Variants in IL1RAP observed in about 807,000 individuals in gnomAD.
IL1RAP encodes the protein interleukin 1 receptor accessory protein.
A neutral mutation model predicts 60.7 loss-of-function variants in IL1RAP; 35 were observed. The observed-to-expected ratio is 0.58, with a 90% CI of 0.44 to 0.76. The LOEUF (loss-of-function observed/expected upper bound fraction) is 0.76. Among genes scored for constraint, IL1RAP ranks in the 30% least tolerant of loss-of-function variants. The probability of loss-of-function intolerance (pLI) is 0.00; values close to 1 mark genes in which losing one functional copy is unlikely to be tolerated. For synonymous variants in IL1RAP, 268 were observed against 250.9 expected (o/e 1.07, Z -0.64); for missense variants, 572 against 693.9 (o/e 0.82, Z 1.97).
intron 1 of IL1RAP, among the ~76,000 whole-genome samples, chr3:190,554,155 G>C (rs114160529): frequency 0.01 from 1,589 of 151,800 alleles, 36 homozygotes; most frequent in African/African-American, 0.037. Flanking sequence ...CCATGTTCTG[G>C]GCACCAAAGA....
chr3:190,599,713 T>TG (rs933944501), intron 3 of IL1RAP, among the ~76,000 whole-genome samples: 2 of 151,144 alleles, frequency 1.3e-5, no homozygotes, highest in African/African-American at 4.8e-5. Context: ...TTTTTTTTTT[T>TG]TTTGAAAGGT....
chr3:190,518,540 G>C (rs931876945), intron 1 of IL1RAP: 1 of 152,082 alleles, frequency 6.6e-6, no homozygotes, highest in African/African-American at 2.4e-5. Context: ...ACGTAGCATG[G>C]CCTATGTATT....
At chr3:190,555,413 A>T (rs931041502) in intron 1 of IL1RAP, among the ~76,000 whole-genome samples, 8 of 152,176 alleles carry the variant, frequency 5.3e-5, no homozygotes, top group African/African-American at 1.9e-4. Context: ...GAAGAGAAAC[A>T]TATAATCTCA....
chr3:190,632,555 G>A (rs1732877787), intron 9 of IL1RAP, among the ~76,000 whole-genome samples: 1 of 152,176 alleles, frequency 6.6e-6, no homozygotes, highest in African/African-American at 2.4e-5. Flanking sequence ...CACCCAGTTT[G>A]TGAATTCATT....
intron 1 of IL1RAP, among the ~76,000 whole-genome samples, chr3:190,526,151 A>G (rs1722491154): frequency 6.6e-6 from 1 of 152,228 alleles, no homozygotes; most frequent in Admixed American, 6.5e-5. Flanking sequence ...TGAGTTTAAA[A>G]TAGCTTGATA....
chr3:190,554,443 C>T (rs149640696), intron 1 of IL1RAP, among the ~76,000 whole-genome samples: 2 of 152,058 alleles, frequency 1.3e-5, no homozygotes, highest in African/African-American at 2.4e-5. Context: ...GCAGACCAGC[C>T]GGAGGTTCTC....
intron 1 of IL1RAP, among the ~76,000 whole-genome samples, chr3:190,540,095 A>C (rs1723798764): frequency 6.6e-6 from 1 of 152,150 alleles, no homozygotes; most frequent in South Asian, 2.1e-4. Context: ...TTACCACATA[A>C]AGAGAAAACA....
In IL1RAP at chr3:190,582,211, A is replaced by G. The variant is rs534365089; in HGVS notation, c.64+17858A>G. Among the ~76,000 whole-genome samples the G allele has an allele frequency of 1.9e-3, 283 of 152,096 alleles. 1 individual carries two copies. Among genetic ancestry groups the G allele is most frequent in the African/African-American group, 6.7e-3 (276 of 41,494 alleles). ...TCCTTTCTATTTCTTTACATTTTTG[A>G]TCAATCCATCTTTGCTCATTTTCCA... On this transcript the variant is annotated intron_variant, in intron 3 of 11. Transcript: ENST00000447382.
At chr3:190,577,532 T>C (rs1727601215) in intron 3 of IL1RAP, among the ~76,000 whole-genome samples, 2 of 152,188 alleles carry the variant, frequency 1.3e-5, no homozygotes, top group South Asian at 2.1e-4. Context: ...GTGGAAAACC[T>C]TTCTGGCAGA....
At chr3:190,595,065 T>C (rs1472674461) in intron 3 of IL1RAP, among the ~76,000 whole-genome samples, 2 of 152,134 alleles carry the variant, frequency 1.3e-5, no homozygotes, top group Non-Finnish European at 2.9e-5. Flanking sequence ...TATATTGTTC[T>C]TTGTTCCCTT....
intron 3 of IL1RAP, among the ~76,000 whole-genome samples, chr3:190,596,054 TCCAA>T (rs1480093649): frequency 1.3e-5 from 2 of 152,212 alleles, no homozygotes; most frequent in Admixed American, 6.5e-5. Context: ...AAGCATTTTG[TCCAA>T]GGCCATATGG....
intron 3 of IL1RAP, among the ~76,000 whole-genome samples, chr3:190,577,976 C>T (rs938452368): frequency 5.9e-5 from 9 of 152,252 alleles, no homozygotes; most frequent in African/African-American, 1.2e-4. Flanking sequence ...CCAACTGCAT[C>T]GGTGTTTCTG....
chr3:190,558,220 G>A (rs1453449506), intron 2 of IL1RAP, among the ~76,000 whole-genome samples: 1 of 151,950 alleles, frequency 6.6e-6, no homozygotes, highest in Non-Finnish European at 1.5e-5. Context: ...CCAGCTTTAG[G>A]CAATTAATAA....
chr3:190,543,532 G>A (rs1724120137), intron 1 of IL1RAP, among the ~76,000 whole-genome samples: 2 of 152,132 alleles, frequency 1.3e-5, no homozygotes, highest in African/African-American at 4.8e-5. Context: ...TAACGTTTTA[G>A]GAAGAAGGTA....
chr3:190,614,992 C>T (rs1392341002), intron 5 of IL1RAP, among the ~76,000 whole-genome samples: 2 of 151,942 alleles, frequency 1.3e-5, no homozygotes, highest in African/African-American at 4.8e-5. Flanking sequence ...CAAATGTTTA[C>T]ATTTCAGAAT....
exon 12 of IL1RAP, chr3:190,656,660 A>G: frequency 2.9e-6 from 3 of 1,048,650 alleles, no homozygotes; most frequent in Non-Finnish European, 4.0e-6. Flanking sequence ...TCTGTATGTC[A>G]TGAACCTGTG....
At chr3:190,604,927 T>G (rs1402288181) in intron 4 of IL1RAP, among the ~76,000 whole-genome samples, 2 of 152,074 alleles carry the variant, frequency 1.3e-5, no homozygotes, top group Non-Finnish European at 2.9e-5. Context: ...ATGTCGAAAA[T>G]TACATATGTG....
At chr3:190,633,856 CTT>C (rs1732986467) in intron 9 of IL1RAP, among the ~76,000 whole-genome samples, 1 of 152,124 alleles carries the variant, frequency 6.6e-6, no homozygotes, top group Non-Finnish European at 1.5e-5. Flanking sequence ...AATTTCATAA[CTT>C]TAATAACTTT....
At chr3:190,525,345 A>G (rs1345630684) in intron 1 of IL1RAP, among the ~76,000 whole-genome samples, 1 of 152,222 alleles carries the variant, frequency 6.6e-6, no homozygotes, top group Non-Finnish European at 1.5e-5. Flanking sequence ...AGGACCCACG[A>G]TAGGCCTGAG....
Sources: allele counts gnomAD v4.1 joint callset (sites outside exome capture counted in the v4.1 genomes callset), GRCh38; gene constraint gnomAD v4.1.1; transcripts MANE v1.5; gene names NCBI Gene and HGNC (gene_info 2026-07-23, HGNC 2026-07-21).